UNC79: variants seen among roughly 807,000 people sequenced by gnomAD.
UNC79 encodes the protein protein unc-79 homolog.
A neutral mutation model predicts 283.1 loss-of-function variants in UNC79; 37 were observed. The observed-to-expected ratio is 0.13, with a 90% CI of 0.10 to 0.17. UNC79 has a LOEUF of 0.17. UNC79 is among the 10% of genes least tolerant of loss of function. UNC79 has a pLI of 1.00. For missense variants in UNC79, 2,272 were observed against 3,211.1 expected (o/e 0.71, Z 7.07); for synonymous variants, 1,107 against 1,200.2 (o/e 0.92, Z 1.61).
exon 30 of UNC79, chr14:93,622,800 C>T: frequency 6.2e-7 from 1 of 1,614,060 alleles, no homozygotes; most frequent in Non-Finnish European, 8.5e-7. Context: ...CTCGACATCT[C>T]CTTCAACATT....
rs543212342 is a variant in UNC79, at chr14:93,357,876, T to G, written c.-351+24353T>G. 1.8e-4 allele frequency among the ~76,000 whole-genome samples: 8 copies of G among 44,538 alleles called. No homozygotes were observed. The South Asian group carries it at 1.8e-3, about 10-fold the overall frequency. The allele number at this position is 44,538 out of a possible 152,430, so 29.2% of individuals were successfully genotyped here. On this transcript the variant is annotated intron_variant, in intron 1 of 49. Transcript: ENST00000256339. ...ATGGATATATATATGGATATATGGA[T>G]ATATATATGGATATATGGAGATATA...
chr14:93,556,716 A>C (rs895967596), intron 14 of UNC79, among the ~76,000 whole-genome samples: 1 of 151,676 alleles, frequency 6.6e-6, no homozygotes, highest in Admixed American at 6.5e-5. Context: ...CTTTTTTTCA[A>C]AAAAACAAGA....
At chr14:93,373,649 T>A in intron 1 of UNC79, among the ~76,000 whole-genome samples, 1 of 152,120 alleles carries the variant, frequency 6.6e-6, no homozygotes, top group Admixed American at 6.5e-5. Flanking sequence ...AGCCCAGATG[T>A]CTTCACAGGT....
chr14:93,417,224 C>CA (rs2055482387), intron 1 of UNC79, among the ~76,000 whole-genome samples: 1 of 151,672 alleles, frequency 6.6e-6, no homozygotes. Flanking sequence ...CTGGTGGTGA[C>CA]AAAATCTCTC....
chr14:93,520,090 G>A (rs1297755807), intron 7 of UNC79, among the ~76,000 whole-genome samples: 1 of 151,864 alleles, frequency 6.6e-6, no homozygotes, highest in Non-Finnish European at 1.5e-5. Context: ...GTGGAGCTCA[G>A]CTGGAAATGA....
intron 1 of UNC79, among the ~76,000 whole-genome samples, chr14:93,391,677 C>A (rs568110170): frequency 1.7e-4 from 26 of 152,184 alleles, no homozygotes; most frequent in Non-Finnish European, 3.1e-4. Context: ...AATCCTCCCA[C>A]CTGGGCCTCC....
intron 1 of UNC79, among the ~76,000 whole-genome samples, chr14:93,385,085 C>A (rs1319034013): frequency 6.6e-6 from 1 of 152,148 alleles, no homozygotes; most frequent in Non-Finnish European, 1.5e-5. Flanking sequence ...GTTACTATAG[C>A]TCTGTAGTGT....
At chr14:93,487,160 AAT>A (rs2058484384) in intron 4 of UNC79, among the ~76,000 whole-genome samples, 1 of 152,218 alleles carries the variant, frequency 6.6e-6, no homozygotes. Context: ...TATTTTTTAT[AAT>A]ATGTGATTTA....
chr14:93,661,892 A>G (rs2071636954), intron 39 of UNC79, among the ~76,000 whole-genome samples: 1 of 152,216 alleles, frequency 6.6e-6, no homozygotes, highest in Non-Finnish European at 1.5e-5. Flanking sequence ...GTCAGAATTT[A>G]GTGCTTGTGT....
intron 14 of UNC79, among the ~76,000 whole-genome samples, chr14:93,543,440 T>C (rs1358448049): frequency 6.6e-6 from 1 of 150,890 alleles, no homozygotes; most frequent in Non-Finnish European, 1.5e-5. Context: ...ACCGCAGTGG[T>C]GTAGTCATAC....
chr14:93,382,784 C>T (rs2054690621), intron 1 of UNC79, among the ~76,000 whole-genome samples: 1 of 152,072 alleles, frequency 6.6e-6, no homozygotes, highest in African/African-American at 2.4e-5. Context: ...TTTTATCTTC[C>T]TCCTCATCAG....
exon 1 of UNC79, chr14:93,333,266 G>A: frequency 2.5e-6 from 1 of 401,194 alleles, no homozygotes; most frequent in East Asian, 3.6e-5. Flanking sequence ...CTGGGAGTTT[G>A]CCTCTTGTGG....
chr14:93,556,943 C>G (rs1315117427), intron 14 of UNC79, among the ~76,000 whole-genome samples: 5 of 152,116 alleles, frequency 3.3e-5, no homozygotes, highest in African/African-American at 1.2e-4. Flanking sequence ...GCAACTGTTA[C>G]CAGTAAAAGG....
At chr14:93,586,030 C>T (rs932128593) in intron 20 of UNC79, among the ~76,000 whole-genome samples, 5 of 152,060 alleles carry the variant, frequency 3.3e-5, no homozygotes, top group African/African-American at 1.2e-4. Context: ...TACAGATGCC[C>T]ACCATCATGC....
At chr14:93,361,211 C>CAA (rs58267219) in intron 1 of UNC79, among the ~76,000 whole-genome samples, 55 of 54,324 alleles carry the variant, frequency 1.0e-3, no homozygotes, top group Middle Eastern at 0.018. Flanking sequence ...GACTCTGTCT[C>CAA]AAAAAAAAAA....
At chr14:93,660,103 G>A (rs886355427) in intron 39 of UNC79, among the ~76,000 whole-genome samples, 10 of 152,070 alleles carry the variant, frequency 6.6e-5, no homozygotes, top group African/African-American at 1.9e-4. Flanking sequence ...CACTGCATTC[G>A]CTGCAGTGGT....
chr14:93,645,696 G>T (rs993411192), intron 34 of UNC79, among the ~76,000 whole-genome samples: 2 of 152,010 alleles, frequency 1.3e-5, no homozygotes, highest in Non-Finnish European at 1.5e-5. Flanking sequence ...CCTCTTACAT[G>T]ATCCCTTTCT....
chr14:93,403,704 G>A (rs1486191782), intron 1 of UNC79, among the ~76,000 whole-genome samples: 4 of 151,786 alleles, frequency 2.6e-5, no homozygotes, highest in Non-Finnish European at 5.9e-5. Flanking sequence ...GGGAAAAAGC[G>A]GATTAAAAAA....
rs188822336 is a variant in UNC79, at chr14:93,577,936, G to A, written c.2306G>A (p.Arg769His). Residue 769 changes from arginine (R) to histidine (H), a missense_variant, in exon 18 of 49, where the codon CGT becomes CAT. Physicochemically the swap from Arg to His is conservative, Grantham distance 29. Transcript: ENST00000555664. ...CAGAGTCCGTTTCGGAGTCCTTTGC[G>A]TAGTCCGTTTCGTAGCCCTTTCAAG... is the stretch of plus-strand genomic sequence containing the variant. 171 of 1,614,146 alleles carry A rather than the reference G, an allele frequency of 1.1e-4. No homozygotes were observed. Among genetic ancestry groups the A allele is most frequent in the Admixed American group, 7.2e-4 (43 of 60,028 alleles).
Sources: gnomAD v4.1 joint callset for allele counts (sites outside exome capture counted in the v4.1 genomes callset) on GRCh38, gnomAD v4.1.1 for gene constraint, MANE v1.5 for transcripts, NCBI Gene and HGNC (gene_info 2026-07-23, HGNC 2026-07-21) for gene names.